The following SYNE1 variants were observed in gnomAD, a reference collection of about 807,000 sequenced individuals.
SYNE1 encodes the protein nesprin-1.
A neutral mutation model predicts 1,111.0 loss-of-function variants in SYNE1; 616 were observed. The ratio of observed to expected loss-of-function variants is 0.55; its 90% CI spans 0.52 to 0.59. The LOEUF (loss-of-function observed/expected upper bound fraction) is 0.59, where lower values mean the gene tolerates loss of function less well. Ranked by LOEUF, SYNE1 falls within the 20% of genes least tolerant of loss-of-function variation. The pLI is 0.00. For synonymous variants in SYNE1, 3,855 were observed against 3,825.8 expected (o/e 1.01, Z -0.28); for missense variants, 10,006 against 10,417.0 (o/e 0.96, Z 1.72).
chr6:152,263,486 G>T (rs1208444778), intron 100 of SYNE1, among the ~76,000 whole-genome samples: 1 of 151,994 alleles, frequency 6.6e-6, no homozygotes, highest in East Asian at 1.9e-4. Context: ...AAACTGCTGG[G>T]CTCATGCAAT....
chr6:152,363,451 G>A (rs1385056850), intron 63 of SYNE1, among the ~76,000 whole-genome samples: 2 of 150,708 alleles, frequency 1.3e-5, no homozygotes, highest in Non-Finnish European at 3.0e-5. Flanking sequence ...CCGAGATCGT[G>A]CCACTGCACT....
At chr6:152,250,072 G>C (rs918359393) in intron 104 of SYNE1, among the ~76,000 whole-genome samples, 2 of 151,688 alleles carry the variant, frequency 1.3e-5, no homozygotes, top group African/African-American at 4.8e-5. Flanking sequence ...AGACCAGCCG[G>C]GGCAACACAG....
chr6:152,154,445 T>TTCACACAC (rs373996885), intron 133 of SYNE1, among the ~76,000 whole-genome samples: 1 of 143,176 alleles, frequency 7.0e-6, no homozygotes, highest in African/African-American at 2.6e-5. Context: ...TTTTATCAAA[T>TTCACACAC]ACACACACAC....
chr6:152,208,268 A>G, intron 124 of SYNE1, 62 bp from the exon 125 acceptor site: 1 of 1,459,904 alleles, frequency 6.8e-7, no homozygotes, highest in East Asian at 2.3e-5. Context: ...TTACGCAATC[A>G]GCCAATGTAT....
chr6:152,610,901 A>G (rs953476924), intron 3 of SYNE1, among the ~76,000 whole-genome samples: 1 of 152,224 alleles, frequency 6.6e-6, no homozygotes, highest in Non-Finnish European at 1.5e-5. Context: ...ACTAATCTTC[A>G]TAAGTTAAGG....
chr6:152,237,306 CTTTT>C (rs61142738), intron 108 of SYNE1, among the ~76,000 whole-genome samples: 11,906 of 119,514 alleles, frequency 0.1, 650 homozygotes, highest in African/African-American at 0.18. Flanking sequence ...TGGGTATGCA[CTTTT>C]TTTTTTTTTT....
intron 6 of SYNE1, among the ~76,000 whole-genome samples, chr6:152,519,522 T>C (rs1458433099): frequency 6.6e-6 from 1 of 152,142 alleles, no homozygotes; most frequent in Non-Finnish European, 1.5e-5. Context: ...ACAAAATAAA[T>C]ATACATGTGT....
At chr6:152,383,066 T>C (rs1203414223) in intron 55 of SYNE1, among the ~76,000 whole-genome samples, 1 of 152,168 alleles carries the variant, frequency 6.6e-6, no homozygotes, top group East Asian at 1.9e-4. Flanking sequence ...GAGGAGGTGC[T>C]TTATGTATTT....
intron 3 of SYNE1, among the ~76,000 whole-genome samples, chr6:152,609,911 T>G (rs2099626587): frequency 6.6e-6 from 1 of 152,106 alleles, no homozygotes; most frequent in African/African-American, 2.4e-5. Context: ...GACCTGACTG[T>G]TGGAAGGAAA....
chr6:152,376,397 C>A lies in SYNE1; in HGVS notation c.9308G>T (p.Ser3103Ile). The change falls in exon 58 of 146, where the codon AGT becomes ATT. Residue 3103 changes from serine to isoleucine, a missense_variant. Ser to Ile is a moderately radical substitution (Grantham distance 142). This residue lies in a region of SYNE1 where 4,955 missense variants were observed against 5,017.2 expected (regional missense o/e 0.99). Transcript: ENST00000367255. ...CACCCTTACCTGTATTTTCTGAAGA[C>A]TAGTTGAAACTTCACTTATATTTTG... ...IPQNISEVSTSLQKIQEFLSE... is the reference protein window; with the variant it reads ...IPQNISEVSTILQKIQEFLSE... 6.2e-7 allele frequency: 1 copy of A among 1,614,172 alleles called. No homozygotes were observed.
intron 2 of SYNE1, among the ~76,000 whole-genome samples, chr6:152,630,377 C>T (rs1002414940): frequency 6.6e-6 from 1 of 152,136 alleles, no homozygotes; most frequent in Non-Finnish European, 1.5e-5. Flanking sequence ...CAGTGGGTGA[C>T]TCTCCAAGGG....
chr6:152,275,602 G>T (rs1052387132), intron 98 of SYNE1, among the ~76,000 whole-genome samples: 4 of 151,954 alleles, frequency 2.6e-5, no homozygotes, highest in Admixed American at 1.3e-4. Context: ...TAGACTGGCC[G>T]GGCATGGTAG....
intron 126 of SYNE1, among the ~76,000 whole-genome samples, chr6:152,203,981 T>C (rs1188991909): frequency 6.6e-6 from 1 of 152,172 alleles, no homozygotes; most frequent in Non-Finnish European, 1.5e-5. Flanking sequence ...AGTTTCTCTT[T>C]CTGCTTAAAT....
In SYNE1 at chr6:152,455,408, C is replaced by G. The variant is rs1323073063; in HGVS notation, c.2892+18G>C. 6.2e-7 allele frequency: 1 copy of G among 1,612,104 alleles called. No individual in the cohort carries two copies. Among genetic ancestry groups the G allele is most frequent in the South Asian group, 1.1e-5 (1 of 90,826 alleles). ...GTCCATGTATTCAGGTCAAGTGTCC[C>G]CTAAAGGGTGGACTCACAGTGTGTC... On this transcript the variant is annotated intron_variant, in intron 24 of 145. Coordinates refer to ENST00000367255, the MANE Select transcript of SYNE1 (RefSeq NM_182961.4).
chr6:152,288,209 CTT>C (rs2094431389), intron 95 of SYNE1, among the ~76,000 whole-genome samples: 1 of 151,914 alleles, frequency 6.6e-6, no homozygotes, highest in African/African-American at 2.4e-5. Context: ...CTCATCCTCT[CTT>C]CTGTGCCTTT....
intron 10 of SYNE1, among the ~76,000 whole-genome samples, chr6:152,502,089 T>C (rs2099032914): frequency 6.6e-6 from 1 of 152,138 alleles, no homozygotes; most frequent in Admixed American, 6.5e-5. Flanking sequence ...ATTTAAAAAA[T>C]TTATGACAAT....
At chr6:152,627,799 T>A (rs182322974) in intron 3 of SYNE1, among the ~76,000 whole-genome samples, 1 of 152,292 alleles carries the variant, frequency 6.6e-6, no homozygotes, top group Non-Finnish European at 1.5e-5. Flanking sequence ...CTCTTTTGCC[T>A]CATTTTTCTT....
At chr6:152,577,258 T>G (rs1012261544) in intron 3 of SYNE1, among the ~76,000 whole-genome samples, 8 of 152,190 alleles carry the variant, frequency 5.3e-5, no homozygotes, top group African/African-American at 1.9e-4. Flanking sequence ...GTGAACACAA[T>G]TGCCACTTTG....
chr6:152,614,314 T>C (rs974107485), intron 3 of SYNE1, among the ~76,000 whole-genome samples: 2 of 152,106 alleles, frequency 1.3e-5, no homozygotes, highest in African/African-American at 4.8e-5. Flanking sequence ...CATCAAAAAG[T>C]GGGCAAAGGA....
Sources: gnomAD v4.1 joint callset for allele counts (sites outside exome capture counted in the v4.1 genomes callset) on GRCh38, gnomAD v4.1.1 for gene constraint, gnomAD v4.1.1 regional missense constraint, MANE v1.5 for transcripts, NCBI Gene and HGNC (gene_info 2026-07-23, HGNC 2026-07-21) for gene names.